The following CASK variants were observed in gnomAD, a reference collection of about 807,000 sequenced individuals.
CASK encodes calcium/calmodulin dependent serine protein kinase.
In CASK, 4 loss-of-function variants were observed where a neutral mutation model predicts 82.9. The observed-to-expected ratio is 0.05, with a 90% CI of 0.02 to 0.11. The LOEUF is 0.11. Ranked by LOEUF, CASK falls within the 10% of genes least tolerant of loss-of-function variation. The probability of loss-of-function intolerance (pLI) is 1.00; values close to 1 mark genes in which losing one functional copy is unlikely to be tolerated. For synonymous variants in CASK, 259 were observed against 253.5 expected (o/e 1.02, Z -0.20); for missense variants, 358 against 720.9 (o/e 0.50, Z 5.76).
At chrX:41,756,159 C>G (rs1170909916) in intron 3 of CASK, among the ~76,000 whole-genome samples, 1 of 112,050 alleles carries the variant, frequency 8.9e-6, no homozygotes, top group Admixed American at 9.5e-5. Flanking sequence ...TCCACAGGTA[C>G]TATGTATGGA....
intron 12 of CASK, among the ~76,000 whole-genome samples, chrX:41,601,483 CT>C (rs1257482675): frequency 8.9e-6 from 1 of 111,920 alleles, no homozygotes; most frequent in African/African-American, 3.2e-5. Context: ...TAAGGCACAA[CT>C]ACACGCTGGT....
intron 2 of CASK, among the ~76,000 whole-genome samples, chrX:41,827,899 AT>A (rs2070699894): frequency 8.9e-6 from 1 of 112,155 alleles, no homozygotes; most frequent in African/African-American, 3.2e-5. Context: ...AGATAAACAA[AT>A]GGAAATTGTA....
chrX:41,604,536 A>G (rs2147266604), intron 12 of CASK, among the ~76,000 whole-genome samples: 1 of 109,021 alleles, frequency 9.2e-6, no homozygotes, highest in African/African-American at 3.3e-5. Flanking sequence ...TGGAGGGAGC[A>G]TGCCCCTGCC....
At chrX:41,523,151 C>T (rs1337666234) in intron 26 of CASK, 1 of 112,267 alleles carries the variant, frequency 8.9e-6, no homozygotes, top group African/African-American at 3.2e-5. Context: ...TTCAAACATG[C>T]TTATGTATTA....
intron 22 of CASK, among the ~76,000 whole-genome samples, chrX:41,540,093 C>T (rs1418481040): frequency 9.0e-6 from 1 of 111,721 alleles, no homozygotes; most frequent in Non-Finnish European, 1.9e-5. Flanking sequence ...GGGCCTTATA[C>T]ACAGTGACAC....
intron 5 of CASK, among the ~76,000 whole-genome samples, chrX:41,681,704 G>T (rs922932381): frequency 4.5e-5 from 5 of 111,235 alleles, no homozygotes; most frequent in Admixed American, 9.6e-5. Context: ...CAAGAAAAAG[G>T]TAGGCTGAGG....
chrX:41,741,062 G>A (rs1252986092), intron 4 of CASK, among the ~76,000 whole-genome samples: 3 of 109,684 alleles, frequency 2.7e-5, no homozygotes, highest in Non-Finnish European at 5.7e-5. Flanking sequence ...TTTGTATTTT[G>A]AGTAGAGACA....
intron 18 of CASK, chrX:41,558,292 T>C (rs764531756): frequency 9.1e-6 from 1 of 110,100 alleles, no homozygotes; most frequent in East Asian, 2.8e-4. Flanking sequence ...TCATTATTTT[T>C]TCTACTATTC....
chrX:41,605,209 A>G, intron 12 of CASK, among the ~76,000 whole-genome samples: 1 of 112,116 alleles, frequency 8.9e-6, no homozygotes, highest in African/African-American at 3.2e-5. Context: ...AATGGTAAAG[A>G]TATTTCCTAA....
rs770192506 is a variant in CASK, at chrX:41,546,406, G to A, written c.2040-3600C>T. Among the ~76,000 whole-genome samples the A allele has an allele frequency of 3.4e-4, 38 of 111,769 alleles. No homozygotes were observed. In the Middle Eastern group the frequency reaches 0.014, roughly 41 times the overall value. On this transcript the variant is annotated intron_variant, in intron 21 of 26. Transcript: ENST00000378163. ...ATTACAGGCATGAGCCACTGTACCCGGTCTCAATAAATTTTATAATTTATT... is the reference window on the plus strand; with the variant it reads ...ATTACAGGCATGAGCCACTGTACCCAGTCTCAATAAATTTTATAATTTATT...
rs191132685 is a variant in CASK at position 41,780,486 on chromosome X, G to A, written c.278+6692C>T. On this transcript the variant is annotated intron_variant, in intron 3 of 26. Transcript: ENST00000378163. ...GTCTAGAGGTGGGACCTGGGTACCT[G>A]CTTGTTTAACAAGTTTTATACCGGA... Among the ~76,000 whole-genome samples, 699 of 111,488 alleles carry A rather than the reference G, an allele frequency of 6.3e-3. 17 individuals are homozygous for A. Among genetic ancestry groups the A allele is most frequent in the Admixed American group, 0.062 (651 of 10,421 alleles).
At chrX:41,918,842 T>A (rs761944492) in intron 1 of CASK, among the ~76,000 whole-genome samples, 53 of 112,432 alleles carry the variant, frequency 4.7e-4, no homozygotes, top group African/African-American at 1.7e-3. Context: ...TATAGCTGCA[T>A]ATTAGAATCA....
chrX:41,821,723 AC>A (rs2070546040), intron 2 of CASK, among the ~76,000 whole-genome samples: 1 of 112,641 alleles, frequency 8.9e-6, no homozygotes, highest in Non-Finnish European at 1.9e-5. Flanking sequence ...AAGTACTAAT[AC>A]AACAGACATG....
rs1030000306 is a variant in CASK at position 41,923,065 on chromosome X, G to A, written c.-77C>T. 7.3e-6 allele frequency: 7 copies of A among 963,694 alleles called. No individual in the cohort carries two copies. In the African/African-American group the frequency reaches 1.3e-4, roughly 18 times the overall value. The allele number at this position is 963,694 out of a possible 1,213,427, so 79.4% of individuals were successfully genotyped here. A position where few individuals can be genotyped will look rare whatever the true frequency, so the allele number is the denominator to read the frequency against. On this transcript the variant is annotated 5_prime_UTR_variant, in exon 1 of 27. Coordinates refer to ENST00000378163, the MANE Select transcript of CASK (RefSeq NM_001367721.1). ...GGGGCGCCCAAGAGCTCAGTGCCCA[G>A]CCCCGGGATCGCCTCCTCCCCTCAG...
At chrX:41,883,665 C>T (rs187911972) in intron 1 of CASK, among the ~76,000 whole-genome samples, 28 of 111,639 alleles carry the variant, frequency 2.5e-4, no homozygotes, top group Non-Finnish European at 4.7e-4. Context: ...AACCCCAAAA[C>T]TGCCCTGCAG....
At chrX:41,590,510 C>CAAAAAAAA (rs763695085) in intron 12 of CASK, among the ~76,000 whole-genome samples, 4 of 31,318 alleles carry the variant, frequency 1.3e-4, no homozygotes, top group Non-Finnish European at 2.1e-4. Flanking sequence ...ATTCCGTCTC[C>CAAAAAAAA]AAAAAAAAAA....
chrX:41,551,996 G>A lies in CASK; in HGVS notation c.2039+1723C>T, dbSNP rs946101436. On this transcript the variant is annotated intron_variant, in intron 21 of 26. Coordinates refer to ENST00000378163, the MANE Select transcript of CASK (RefSeq NM_001367721.1). ...GGCTAGAGTGCAGTGGCGCGATCACGGCTCACTGCAACTTCCACTTCTCGG... is the reference window on the plus strand; with the variant it reads ...GGCTAGAGTGCAGTGGCGCGATCACAGCTCACTGCAACTTCCACTTCTCGG... 7.5e-5 allele frequency among the ~76,000 whole-genome samples: 8 copies of A among 107,151 alleles called. No homozygotes were observed. The East Asian group carries it at 2.1e-3, about 28-fold the overall frequency. 93.0% of individuals were successfully genotyped at this position (107,151 alleles called of 115,157 possible). A position where few individuals can be genotyped will look rare whatever the true frequency, so the allele number is the denominator to read the frequency against.
intron 25 of CASK, among the ~76,000 whole-genome samples, chrX:41,529,288 G>A (rs891237015): frequency 2.7e-5 from 3 of 111,747 alleles, no homozygotes; most frequent in Non-Finnish European, 5.6e-5. Flanking sequence ...GTCCTGAGGA[G>A]GCTGAGAGAA....
At chrX:41,829,420 C>G (rs775209257) in intron 2 of CASK, among the ~76,000 whole-genome samples, 8 of 107,595 alleles carry the variant, frequency 7.4e-5, no homozygotes, top group African/African-American at 2.7e-4. Flanking sequence ...TATCATTATG[C>G]TTGTGAGATT....
Sources: allele counts gnomAD v4.1 joint callset (sites outside exome capture counted in the v4.1 genomes callset), GRCh38; gene constraint gnomAD v4.1.1; transcripts MANE v1.5; gene names NCBI Gene and HGNC (gene_info 2026-07-23, HGNC 2026-07-21).